Variants in MROH9 observed in about 807,000 individuals in gnomAD.
MROH9 encodes the protein maestro heat like repeat family member 9.
Under a neutral mutation model 98.2 loss-of-function variants are expected in MROH9, and 92 were observed. That is an observed-to-expected ratio of 0.94 (90% CI 0.79 to 1.11). MROH9 has a LOEUF of 1.11. Ranked by LOEUF, MROH9 falls within the 50% of genes most tolerant of loss-of-function variation. MROH9 has a pLI of 0.00. For missense variants in MROH9, 1,057 were observed against 1,014.8 expected (o/e 1.04, Z -0.57); for synonymous variants, 397 against 368.9 (o/e 1.08, Z -0.87).
At chr1:170,963,101 A>C (rs957364368) in intron 6 of MROH9, among the ~76,000 whole-genome samples, 2 of 152,086 alleles carry the variant, frequency 1.3e-5, no homozygotes, top group African/African-American at 4.8e-5. Flanking sequence ...CAAAGGTCTA[A>C]TATCCAGCAT....
At chr1:171,062,805 C>CT (rs941831037) in intron 21 of MROH9, among the ~76,000 whole-genome samples, 2 of 152,138 alleles carry the variant, frequency 1.3e-5, no homozygotes, top group African/African-American at 4.8e-5. Flanking sequence ...TCTTAATAGA[C>CT]TATTTTTTAG....
At chr1:171,027,897 G>A (rs1412598074) in intron 20 of MROH9, among the ~76,000 whole-genome samples, 1 of 151,718 alleles carries the variant, frequency 6.6e-6, no homozygotes, top group Non-Finnish European at 1.5e-5. Context: ...TTTTGAGGGG[G>A]TTGTTTTTTG....
intron 17 of MROH9, among the ~76,000 whole-genome samples, chr1:171,018,884 C>G (rs901103800): frequency 6.6e-6 from 1 of 151,932 alleles, no homozygotes; most frequent in African/African-American, 2.4e-5. Context: ...TGAGCAAAAC[C>G]TCTGAGAAAT....
intron 20 of MROH9, among the ~76,000 whole-genome samples, chr1:171,034,671 A>C (rs1653039005): frequency 6.6e-6 from 1 of 152,192 alleles, no homozygotes; most frequent in Non-Finnish European, 1.5e-5. Context: ...CAAGTGTCAT[A>C]AATATACTAT....
chr1:170,973,818 T>A (rs1650575927), intron 8 of MROH9, among the ~76,000 whole-genome samples: 1 of 152,162 alleles, frequency 6.6e-6, no homozygotes, highest in African/African-American at 2.4e-5. Context: ...GAGGTTGCAG[T>A]GAGCTGGTAT....
chr1:170,951,095 T>G (rs529318784), intron 3 of MROH9, among the ~76,000 whole-genome samples: 1 of 152,086 alleles, frequency 6.6e-6, no homozygotes, highest in Admixed American at 6.6e-5. Context: ...CAGTTAGAGA[T>G]GACCACACTA....
At chr1:171,031,241 G>A (rs2101848926) in intron 20 of MROH9, among the ~76,000 whole-genome samples, 1 of 152,152 alleles carries the variant, frequency 6.6e-6, no homozygotes, top group South Asian at 2.1e-4. Context: ...TATCCAATTT[G>A]CCAGTCTGTG....
intron 20 of MROH9, among the ~76,000 whole-genome samples, chr1:171,045,914 T>C (rs1653457983): frequency 6.6e-6 from 1 of 152,168 alleles, no homozygotes; most frequent in African/African-American, 2.4e-5. Flanking sequence ...GTTATTATTA[T>C]ATTGAAGCCC....
intron 3 of MROH9, among the ~76,000 whole-genome samples, chr1:170,954,395 C>T (rs1433150716): frequency 6.6e-6 from 1 of 152,004 alleles, no homozygotes; most frequent in Non-Finnish European, 1.5e-5. Context: ...TGTATCAATT[C>T]ATCTATCAGA....
chr1:170,982,253 T>C (rs528758019), intron 8 of MROH9, among the ~76,000 whole-genome samples: 14 of 134,802 alleles, frequency 1.0e-4, no homozygotes, highest in Admixed American at 7.3e-5. Flanking sequence ...AATAGAATAC[T>C]ATTATTCCAG....
intron 20 of MROH9, among the ~76,000 whole-genome samples, chr1:171,049,028 C>T (rs1398119656): frequency 1.3e-5 from 2 of 152,116 alleles, no homozygotes; most frequent in Non-Finnish European, 2.9e-5. Flanking sequence ...ACATGCAAGA[C>T]AAAGCCCTCC....
At chr1:171,062,766 C>T (rs1035965271) in intron 21 of MROH9, among the ~76,000 whole-genome samples, 5 of 152,320 alleles carry the variant, frequency 3.3e-5, no homozygotes, top group African/African-American at 9.6e-5. Context: ...GTTATAAAAA[C>T]AAGTTGGCTG....
chr1:171,000,288 T>C (rs1335093741), intron 15 of MROH9, among the ~76,000 whole-genome samples: 1 of 151,878 alleles, frequency 6.6e-6, no homozygotes, highest in East Asian at 1.9e-4. Context: ...TTTTTTCCAA[T>C]GTTATCTTTT....
At chr1:170,989,812 T>C in intron 10 of MROH9, 43 bp from the exon 11 acceptor site, 10 of 1,555,302 alleles carry the variant, frequency 6.4e-6, no homozygotes, top group Non-Finnish European at 7.9e-6. Flanking sequence ...GAGGTGACCA[T>C]GGAACAGGAG....
chr1:170,947,063 T>C (rs1649358718), intron 2 of MROH9, among the ~76,000 whole-genome samples: 1 of 151,918 alleles, frequency 6.6e-6, no homozygotes, highest in Non-Finnish European at 1.5e-5. Context: ...TAAGAACACT[T>C]CTATTTATTT....
At chr1:171,051,810 T>C (rs1026466672) in intron 20 of MROH9, among the ~76,000 whole-genome samples, 7 of 152,202 alleles carry the variant, frequency 4.6e-5, no homozygotes, top group African/African-American at 1.7e-4. Context: ...TGGTCTGTCA[T>C]TTTCTTTCTG....
At chr1:171,021,004 T>TTTG (rs1652498342) in intron 17 of MROH9, among the ~76,000 whole-genome samples, 1 of 152,060 alleles carries the variant, frequency 6.6e-6, no homozygotes, top group Non-Finnish European at 1.5e-5. Context: ...TGAACACTCA[T>TTTG]TCGCAATTGC....
chr1:170,964,936 T>TAATAA (rs987534771), intron 6 of MROH9, among the ~76,000 whole-genome samples: 2 of 151,938 alleles, frequency 1.3e-5, no homozygotes, highest in African/African-American at 4.8e-5. Context: ...TTTTTGAATA[T>TAATAA]AATAAAATAA....
At chr1:170,942,856 CA>C (rs1228848192) in intron 1 of MROH9, among the ~76,000 whole-genome samples, 2 of 152,110 alleles carry the variant, frequency 1.3e-5, no homozygotes, top group Non-Finnish European at 2.9e-5. Context: ...AGAAATCACA[CA>C]AACAAGCTGC....
Sources: gnomAD v4.1 joint callset for allele counts (sites outside exome capture counted in the v4.1 genomes callset) on GRCh38, gnomAD v4.1.1 for gene constraint, MANE v1.5 for transcripts, NCBI Gene and HGNC (gene_info 2026-07-23, HGNC 2026-07-21) for gene names.